The following F5 variants were observed in gnomAD, a reference collection of about 807,000 sequenced individuals.
F5 encodes the protein coagulation factor V, also known as activated protein c cofactor.
F5 carries 138 observed loss-of-function variants against 216.4 expected under a neutral mutation model. That is an observed-to-expected ratio of 0.64 (90% CI 0.56 to 0.73). The LOEUF (loss-of-function observed/expected upper bound fraction) is 0.73. F5 is among the 30% of genes least tolerant of loss of function. F5 has a pLI of 0.00. For missense variants in F5, 2,403 were observed against 2,674.0 expected, an observed-to-expected ratio of 0.90 and a Z score of 2.24; for synonymous variants, 916 against 930.7, an observed-to-expected ratio of 0.98 and a Z score of 0.29.
intron 8 of F5, among the ~76,000 whole-genome samples, 187 bp from the exon 9 acceptor site, chr1:169,550,926 A>G (rs960300133): frequency 6.6e-6 from 1 of 152,128 alleles, no homozygotes; most frequent in African/African-American, 2.4e-5. Context: ...CATTGGAGAG[A>G]GTGTTTCACT....
intron 3 of F5, among the ~76,000 whole-genome samples, chr1:169,571,908 G>A (rs1054771770): frequency 6.6e-6 from 1 of 152,052 alleles, no homozygotes; most frequent in South Asian, 2.1e-4. Flanking sequence ...ACTGACCCCC[G>A]CCTTAAACCA....
intron 7 of F5, among the ~76,000 whole-genome samples, chr1:169,554,666 G>A (rs376216482): frequency 3.3e-5 from 5 of 152,138 alleles, no homozygotes; most frequent in South Asian, 2.1e-4. Flanking sequence ...AATCTTCCAC[G>A]AACAATATAT....
chr1:169,558,089 A>C (rs577780286), intron 5 of F5, among the ~76,000 whole-genome samples: 6 of 152,278 alleles, frequency 3.9e-5, no homozygotes, highest in South Asian at 4.1e-4. Context: ...CCATATACTT[A>C]TACAGATTGT....
At chr1:169,546,684 A>G (rs961544563) in intron 10 of F5, 92 bp from the exon 11 acceptor site, 13 of 1,097,476 alleles carry the variant, frequency 1.2e-5, no homozygotes, top group Middle Eastern at 2.1e-4. Context: ...CTGCGCACCT[A>G]CAACTATCTG....
At chr1:169,546,330 T>A (rs921481365) in intron 11 of F5, 112 bp downstream of exon 11, 6 of 1,279,894 alleles carry the variant, frequency 4.7e-6, no homozygotes, top group Middle Eastern at 4.8e-4. Flanking sequence ...AAGTGAGGAT[T>A]GGAGGTGCCC....
At chr1:169,529,857 G>T in intron 15 of F5, 39 bp from the exon 16 acceptor site, 6 of 1,535,144 alleles carry the variant, frequency 3.9e-6, no homozygotes, top group Non-Finnish European at 5.4e-6. Flanking sequence ...TCTTTCTCAG[G>T]AATTTCCTTG....
Position 169,530,385 on chromosome 1 carries a change from A to G in F5, c.5208+401T>C, listed in dbSNP as rs76088642. The stretch of plus-strand genomic sequence containing the variant: ...AAATTGTATGCATATACTGTGTATG[A>G]CATATTGTTTTGAAGTATATATACA... On this transcript the variant is annotated intron_variant, in intron 15 of 24. Transcript: ENST00000367797. Among the ~76,000 whole-genome samples the G allele has an allele frequency of 2.6e-3, 392 of 152,316 alleles. 2 individuals carry two copies. The highest frequency in any genetic ancestry group is 8.5e-3 in the African/African-American group (354 of 41,582).
chr1:169,540,925 T>C lies in F5; in HGVS notation c.4165A>G (p.Ser1389Gly). Residue 1389 changes from serine (S) to glycine (G), a missense_variant, in exon 13 of 25, where the codon AGT (serine) becomes GGT (glycine). Physicochemically the swap from Ser to Gly is moderately conservative, Grantham distance 56. This residue lies in a region of F5 where 293 missense variants were observed against 270.8 expected (regional missense o/e 1.08). Transcript: ENST00000367797. The part of the protein sequence containing the change: ...LSQTNLSPDL[S>G]EMPLFADLSQ... The stretch of plus-strand genomic sequence containing the variant: ...AGATCTGCAAAGAGGGGCATCTCAC[T>C]GAGGTCTGGGGAAAGGTTTGTCTGA... The C allele has an allele frequency of 1.2e-6, 2 of 1,613,934 alleles. No individual in the cohort carries two copies. Among genetic ancestry groups the C allele is most frequent in the Non-Finnish European group, 1.7e-6 (2 of 1,179,930 alleles).
rs760397422 is a variant in F5 at position 169,556,751 on chromosome 1, C to T, written c.847G>A (p.Val283Ile). 6 of 1,613,914 alleles carry T rather than the reference C, an allele frequency of 3.7e-6. No individual in the cohort carries two copies. The highest frequency in any genetic ancestry group is 8.5e-7 in the Non-Finnish European group (1 of 1,180,006). Residue 283 changes from valine (V) to isoleucine (I), a missense_variant, in exon 6 of 25, where the codon GTC becomes ATC. Around this residue, in one of 4 missense-constraint regions of F5, gnomAD observed 1,425 missense variants for 1,554.8 expected, o/e 0.92. Coordinates refer to ENST00000367797, the MANE Select transcript of F5 (RefSeq NM_000130.5). Reference sequence around the variant, plus strand: ...GCACTGACAAGGGTGATGGCTGAGACCTTATGATGGTTCTGCTCCAGGACC... The same window carrying T: ...GCACTGACAAGGGTGATGGCTGAGATCTTATGATGGTTCTGCTCCAGGACC... ...GQVLEQNHHK[V>I]SAITLVSATS...
chr1:169,557,252 G>A (rs1057417986), intron 5 of F5, among the ~76,000 whole-genome samples: 1 of 152,112 alleles, frequency 6.6e-6, no homozygotes, highest in Non-Finnish European at 1.5e-5. Flanking sequence ...AAAGTCCACG[G>A]CAAAATGGAA....
At chr1:169,560,134 T>C (rs1462673915) in intron 4 of F5, among the ~76,000 whole-genome samples, 1 of 152,154 alleles carries the variant, frequency 6.6e-6, no homozygotes, top group Admixed American at 6.5e-5. Context: ...GCATTTCACG[T>C]GTTTATAGAG....
chr1:169,530,512 C>T (rs1314727759), intron 15 of F5, among the ~76,000 whole-genome samples: 1 of 152,120 alleles, frequency 6.6e-6, no homozygotes, highest in Non-Finnish European at 1.5e-5. Context: ...AAATAAATGC[C>T]ATCTTCTGTA....
chr1:169,554,971 G>T (rs1660275280), intron 7 of F5, among the ~76,000 whole-genome samples: 1 of 152,164 alleles, frequency 6.6e-6, no homozygotes. Flanking sequence ...TCAACAAAAG[G>T]TAGCTGCTGT....
intron 19 of F5, 29 bp downstream of exon 19, chr1:169,524,808 C>T: frequency 6.3e-7 from 1 of 1,578,910 alleles, no homozygotes; most frequent in Non-Finnish European, 8.7e-7. Flanking sequence ...TAGGGGGTAC[C>T]ATTCACAGAC....
At chr1:169,550,291 C>A (rs1428588864) in intron 9 of F5, among the ~76,000 whole-genome samples, 7 of 69,122 alleles carry the variant, frequency 1.0e-4, no homozygotes, top group Non-Finnish European at 1.8e-4. Context: ...GCCCCCCACC[C>A]CCCCCCCCCG....
Position 169,540,634 on chromosome 1 carries a change from C to A in F5, c.4456G>T (p.Asp1486Tyr). ...GAAGGAGATGGCATCTGACCAAGGT[C>A]TGGATAAGGAAAAGACTCATTAAAT... ...QEFNESFPYP[D>Y]LGQMPSPSSP... The change falls in exon 13 of 25, where the codon GAC (aspartate) becomes TAC (tyrosine). Residue 1486 changes from aspartate to tyrosine, a missense_variant. By Grantham distance (160) the Asp-to-Tyr change is radical. Coordinates refer to ENST00000367797, the MANE Select transcript of F5 (RefSeq NM_000130.5). 1 of 1,613,938 alleles carries A rather than the reference C, an allele frequency of 6.2e-7. No individual in the cohort carries two copies. The highest frequency in any genetic ancestry group is 2.2e-5 in the East Asian group (1 of 44,866).
chr1:169,580,128 A>T (rs747649324), intron 2 of F5, among the ~76,000 whole-genome samples: 15 of 152,266 alleles, frequency 9.9e-5, no homozygotes, highest in Middle Eastern at 3.4e-3. Flanking sequence ...GCTTTCCAAG[A>T]TCCTACTCTT....
chr1:169,519,482 T>C (rs1027090239), intron 22 of F5, among the ~76,000 whole-genome samples: 1 of 152,208 alleles, frequency 6.6e-6, no homozygotes, highest in Non-Finnish European at 1.5e-5. Flanking sequence ...GTCCTGCCGA[T>C]ACAAGATCTG....
intron 20 of F5, 152 bp from the exon 21 acceptor site, chr1:169,523,504 T>C: frequency 1.1e-6 from 1 of 942,146 alleles, no homozygotes; most frequent in Non-Finnish European, 1.6e-6. Flanking sequence ...AATTCATATT[T>C]GGGCACAGAG....
Sources: gnomAD v4.1 joint callset for allele counts (sites outside exome capture counted in the v4.1 genomes callset) on GRCh38, gnomAD v4.1.1 for gene constraint, gnomAD v4.1.1 regional missense constraint, MANE v1.5 for transcripts, NCBI Gene and HGNC (gene_info 2026-07-23, HGNC 2026-07-21) for gene names.